The following TMEM108 variants were observed in gnomAD, a reference collection of about 807,000 sequenced individuals.
The protein encoded by TMEM108 is transmembrane protein 108.
Under a neutral mutation model 35.1 loss-of-function variants are expected in TMEM108, and 12 were observed. The observed-to-expected ratio is 0.34, with a 90% confidence interval of 0.22 to 0.55. The LOEUF is 0.55. Ranked by LOEUF, TMEM108 falls within the 20% of genes least tolerant of loss-of-function variation. The pLI is 0.89. For synonymous variants in TMEM108, 287 were observed against 308.6 expected (o/e 0.93, Z 0.73); for missense variants, 680 against 753.3 (o/e 0.90, Z 1.14).
intron 2 of TMEM108, among the ~76,000 whole-genome samples, chr3:133,189,433 G>T (rs180793925): frequency 3.7e-4 from 56 of 152,242 alleles, no homozygotes; most frequent in Middle Eastern, 3.4e-3. Flanking sequence ...GGGAAGAGGG[G>T]ATATCATCCA....
rs531301059 is a variant in TMEM108 at position 133,085,517 on chromosome 3, T to A, written c.-47+39497T>A. Among the ~76,000 whole-genome samples the A allele has an allele frequency of 2.4e-3, 360 of 152,336 alleles. 2 individuals carry two copies. Among genetic ancestry groups the A allele is most frequent in the African/African-American group, 8.3e-3 (343 of 41,574 alleles). The stretch of plus-strand genomic sequence containing the variant: ...AGGATTTCCCCTTTCACTTTTAATT[T>A]TTTAATGCACGTTACTGTGTACTCA... On this transcript the variant is annotated intron_variant, in intron 2 of 5. Transcript: ENST00000321871.
intron 2 of TMEM108, among the ~76,000 whole-genome samples, chr3:133,102,574 C>T (rs1459187301): frequency 5.3e-5 from 8 of 152,156 alleles, no homozygotes; most frequent in Admixed American, 2.0e-4. Flanking sequence ...TCCAGTGAGA[C>T]GAGGGGCCTT....
rs1464446790 is a variant in TMEM108 at position 133,379,968 on chromosome 3, C to T, written c.257C>T (p.Pro86Leu). 4 of 1,613,870 alleles carry T rather than the reference C, an allele frequency of 2.5e-6. No individual in the cohort carries two copies. The highest frequency in any genetic ancestry group is 1.3e-5 in the African/African-American group (1 of 74,852). Reference protein sequence around the residue: ...QAAAPMATPTPRAEGHPPTHT... With the variant: ...QAAAPMATPTLRAEGHPPTHT... ...GCAGCTCCCATGGCAACACCGACAC[C>T]CCGTGCAGAGGGGCACCCTCCTACG... is the stretch of plus-strand genomic sequence containing the variant. Residue 86 changes from proline to leucine, a missense_variant, in exon 4 of 6, where the codon CCC (proline) becomes CTC (leucine). Pro to Leu is a moderately conservative substitution (Grantham distance 98). Coordinates refer to ENST00000321871, the MANE Select transcript of TMEM108 (RefSeq NM_023943.4).
chr3:133,072,231 T>G (rs1943684538), intron 2 of TMEM108, among the ~76,000 whole-genome samples: 1 of 152,140 alleles, frequency 6.6e-6, no homozygotes, highest in African/African-American at 2.4e-5. Context: ...TCTAAAGATA[T>G]TCACACAACA....
chr3:133,160,188 A>G (rs1944941384), intron 2 of TMEM108, among the ~76,000 whole-genome samples: 1 of 152,152 alleles, frequency 6.6e-6, no homozygotes, highest in Non-Finnish European at 1.5e-5. Context: ...TTTGTGGGTC[A>G]CTCAGCCTCA....
chr3:133,179,577 G>A (rs1357551828), intron 2 of TMEM108, among the ~76,000 whole-genome samples: 18 of 151,522 alleles, frequency 1.2e-4, no homozygotes, highest in Non-Finnish European at 1.9e-4. Context: ...AACACCACTT[G>A]TTCTCACTCA....
At chr3:133,384,658 C>T (rs559447243) in intron 4 of TMEM108, among the ~76,000 whole-genome samples, 102 of 152,302 alleles carry the variant, frequency 6.7e-4, no homozygotes, top group South Asian at 1.2e-3. Flanking sequence ...ACCATCAGGA[C>T]GCACAGAGCC....
intron 2 of TMEM108, among the ~76,000 whole-genome samples, chr3:133,080,411 TCAC>T (rs1265344339): frequency 6.6e-6 from 1 of 152,226 alleles, no homozygotes; most frequent in Non-Finnish European, 1.5e-5. Context: ...ATTTACATCT[TCAC>T]CATATTTTTT....
rs1436650841 is a variant in TMEM108, at chr3:133,380,220, G to C, written c.509G>C (p.Gly170Ala). ...TTTRRPPRPP[G>A]SSRKGAGNSS... ...ACACGCAGGCCCCCCAGGCCCCCAG[G>C]CTCTTCCCGAAAAGGGGCTGGTAAT... is the stretch of plus-strand genomic sequence containing the variant. The change falls in exon 4 of 6, where the codon GGC (glycine) becomes GCC (alanine). Residue 170 changes from glycine (G) to alanine (A), a missense_variant. By Grantham distance (60) the Gly-to-Ala change is moderately conservative. Coordinates refer to ENST00000321871, the MANE Select transcript of TMEM108 (RefSeq NM_023943.4). This position sits in a 1 kb window ranked among gnomAD's most constrained non-coding sequence, Gnocchi z 5.3. The C allele has an allele frequency of 6.2e-7, 1 of 1,612,556 alleles. No homozygotes were observed. The highest frequency in any genetic ancestry group is 1.7e-5 in the Admixed American group (1 of 59,830).
rs1208603906 is a variant in TMEM108 at position 133,390,055 on chromosome 3, T to C, written c.1451-125T>C. ...AAGGCTCACTTTGTACAGTTCACCA[T>C]GCCCTGCCCCTTTTCCCACCATACA... On this transcript the variant is annotated intron_variant, in intron 4 of 5. Transcript: ENST00000321871. 6.9e-6 allele frequency: 8 copies of C among 1,166,784 alleles called. No individual in the cohort carries two copies. The Admixed American group carries it at 1.4e-4, about 20-fold the overall frequency. The allele number at this position is 1,166,784 out of a possible 1,614,324, so 72.3% of individuals were successfully genotyped here. A position where few individuals can be genotyped will look rare whatever the true frequency, so the allele number is the denominator to read the frequency against.
At chr3:133,224,700 G>C (rs1009877432) in intron 2 of TMEM108, among the ~76,000 whole-genome samples, 3 of 152,110 alleles carry the variant, frequency 2.0e-5, no homozygotes, top group South Asian at 4.1e-4. Flanking sequence ...CCCCAGCCGT[G>C]TGGAACGTGA....
At chr3:133,333,182 A>G (rs73207722) in intron 3 of TMEM108, among the ~76,000 whole-genome samples, 10,122 of 152,208 alleles carry the variant, frequency 0.067, 384 homozygotes, top group African/African-American at 0.08. Flanking sequence ...TGGCTATTAA[A>G]TTTAAATTTT....
intron 4 of TMEM108, among the ~76,000 whole-genome samples, chr3:133,384,095 A>T (rs1576539043): frequency 6.6e-6 from 1 of 152,216 alleles, no homozygotes; most frequent in East Asian, 1.9e-4. Flanking sequence ...CACTCTAGTT[A>T]TCAGGAAAGC....
intron 3 of TMEM108, among the ~76,000 whole-genome samples, chr3:133,286,345 T>A (rs1011500630): frequency 2.0e-5 from 3 of 152,186 alleles, no homozygotes; most frequent in Non-Finnish European, 4.4e-5. Flanking sequence ...TATTTATTTT[T>A]TTTTTAGAAA....
chr3:133,314,273 A>G (rs908361673), intron 3 of TMEM108, among the ~76,000 whole-genome samples: 2 of 152,246 alleles, frequency 1.3e-5, no homozygotes, highest in Non-Finnish European at 1.5e-5. Context: ...TGACAACTCT[A>G]AAGTGTATGC....
intron 3 of TMEM108, among the ~76,000 whole-genome samples, chr3:133,292,826 G>A (rs1947091853): frequency 6.6e-6 from 1 of 152,168 alleles, no homozygotes; most frequent in Non-Finnish European, 1.5e-5. Flanking sequence ...TTGAGATAGA[G>A]GATGCTTGGC....
rs1433256641 is a variant in TMEM108 at position 133,329,286 on chromosome 3, C to G, written c.41-50466C>G. Among the ~76,000 whole-genome samples the G allele has an allele frequency of 2.0e-5, 3 of 152,126 alleles. No individual in the cohort carries two copies. In the East Asian group the frequency reaches 5.8e-4, roughly 29 times the overall value. On this transcript the variant is annotated intron_variant, in intron 3 of 5. Coordinates refer to ENST00000321871, the MANE Select transcript of TMEM108 (RefSeq NM_023943.4). ...ATTGCCTAATGCCTGGGACTATTTT[C>G]CAAGTCGCCTTCACTAGAATCAGAG...
chr3:133,252,202 A>G (rs1237673263), intron 3 of TMEM108, among the ~76,000 whole-genome samples: 1 of 152,162 alleles, frequency 6.6e-6, no homozygotes, highest in Non-Finnish European at 1.5e-5. Flanking sequence ...AAAGAAAAAC[A>G]TGATTCATTT....
At chr3:133,124,025 C>A (rs926889845) in intron 2 of TMEM108, among the ~76,000 whole-genome samples, 2 of 152,202 alleles carry the variant, frequency 1.3e-5, no homozygotes, top group Admixed American at 6.5e-5. Context: ...GGAATCCTAT[C>A]AGCAGAGCAA....
Sources: gnomAD v4.1 joint callset for allele counts (sites outside exome capture counted in the v4.1 genomes callset) on GRCh38, gnomAD v4.1.1 for gene constraint, Gnocchi (gnomAD v3.1) non-coding constraint, MANE v1.5 for transcripts, NCBI Gene and HGNC (gene_info 2026-07-23, HGNC 2026-07-21) for gene names.